STK32B: variants seen among roughly 807,000 people sequenced by gnomAD.
STK32B encodes the protein serine/threonine kinase 32B, also known as serine/threonine-protein kinase 32B.
In STK32B, 43 loss-of-function variants were observed where a neutral mutation model predicts 52.6. The ratio of observed to expected loss-of-function variants is 0.82; its 90% CI spans 0.64 to 1.05. The LOEUF (loss-of-function observed/expected upper bound fraction) is 1.05, where lower values mean the gene tolerates loss of function less well. STK32B is among the 50% of genes least tolerant of loss of function. The probability of loss-of-function intolerance (pLI) is 0.00; values close to 1 mark genes in which losing one functional copy is unlikely to be tolerated. For synonymous variants in STK32B, 238 were observed against 204.3 expected, an observed-to-expected ratio of 1.17 and a Z score of -1.41; for missense variants, 621 against 534.6, an observed-to-expected ratio of 1.16 and a Z score of -1.59.
intron 1 of STK32B, among the ~76,000 whole-genome samples, chr4:5,078,020 T>C (rs1712183674): frequency 1.3e-5 from 2 of 152,158 alleles, no homozygotes; most frequent in Admixed American, 1.3e-4. Context: ...GATTATGGGC[T>C]TTTTCACACA....
intron 1 of STK32B, among the ~76,000 whole-genome samples, chr4:5,062,472 G>A (rs568503873): frequency 6.6e-5 from 10 of 152,058 alleles, no homozygotes; most frequent in Middle Eastern, 3.2e-3. Flanking sequence ...CCATGTTTTC[G>A]AACTCCTAAA....
At chr4:5,168,583 A>G (rs557676746) in intron 3 of STK32B, 133 bp downstream of exon 3, 12 of 1,070,464 alleles carry the variant, frequency 1.1e-5, no homozygotes, top group African/African-American at 1.6e-5. Context: ...GTTATTCTTA[A>G]GTATTTTGTA....
At chr4:5,480,714 T>A (rs1440224324) in intron 11 of STK32B, among the ~76,000 whole-genome samples, 1 of 152,120 alleles carries the variant, frequency 6.6e-6, no homozygotes, top group African/African-American at 2.4e-5. Flanking sequence ...GTATATCTCC[T>A]AATGCTATCC....
intron 4 of STK32B, among the ~76,000 whole-genome samples, chr4:5,387,360 C>T (rs1285012779): frequency 2.0e-5 from 3 of 152,178 alleles, no homozygotes; most frequent in Non-Finnish European, 2.9e-5. Context: ...TCAGCACCTA[C>T]TGGGAAGGAC....
rs548172716 is a variant in STK32B at position 5,452,153 on chromosome 4, T to G, written c.667-4654T>G. Among the ~76,000 whole-genome samples, 197 of 152,272 alleles carry G rather than the reference T, an allele frequency of 1.3e-3. 1 individual carries two copies. The highest frequency in any genetic ancestry group is 6.8e-4 in the Non-Finnish European group (46 of 68,012). On this transcript the variant is annotated intron_variant, in intron 7 of 11. Transcript: ENST00000282908. ...CCCACTCCATGGGGACATGAGGACT[T>G]TACCCTCTTTGCTCACCCATCAACC...
At chr4:5,115,096 A>T (rs1266859067) in intron 1 of STK32B, among the ~76,000 whole-genome samples, 3 of 152,206 alleles carry the variant, frequency 2.0e-5, no homozygotes, top group Non-Finnish European at 4.4e-5. Context: ...TTTTGTTGGA[A>T]GCTAAAGGAT....
At chr4:5,112,673 C>T (rs1025859528) in intron 1 of STK32B, among the ~76,000 whole-genome samples, 2 of 152,118 alleles carry the variant, frequency 1.3e-5, no homozygotes, top group Admixed American at 6.5e-5. Flanking sequence ...TCTGGGCACC[C>T]CATGTCGCAG....
chr4:5,164,515 A>G (rs970913823), intron 2 of STK32B, among the ~76,000 whole-genome samples: 3 of 152,222 alleles, frequency 2.0e-5, no homozygotes, highest in African/African-American at 7.2e-5. Context: ...CTGCTATCAC[A>G]CATGCCGCAG....
intron 5 of STK32B, among the ~76,000 whole-genome samples, chr4:5,405,622 G>A (rs1275872566): frequency 2.0e-5 from 3 of 152,132 alleles, no homozygotes; most frequent in African/African-American, 7.2e-5. Flanking sequence ...CCTCAGGAAA[G>A]TTATAATCAT....
At chr4:5,108,562 A>G (rs1275617544) in intron 1 of STK32B, among the ~76,000 whole-genome samples, 2 of 152,186 alleles carry the variant, frequency 1.3e-5, no homozygotes, top group Non-Finnish European at 2.9e-5. Flanking sequence ...ATTTCAATGG[A>G]AGAGTTCTCC....
At chr4:5,102,972 C>A (rs1713909338) in intron 1 of STK32B, among the ~76,000 whole-genome samples, 1 of 138,632 alleles carries the variant, frequency 7.2e-6, no homozygotes, top group Admixed American at 7.5e-5. Context: ...CCTTTCCTTT[C>A]CTTTTCTTTC....
At chr4:5,081,637 T>C (rs929453064) in intron 1 of STK32B, among the ~76,000 whole-genome samples, 1 of 152,194 alleles carries the variant, frequency 6.6e-6, no homozygotes, top group African/African-American at 2.4e-5. Flanking sequence ...TCAAAGATTC[T>C]TTATTCTTCT....
intron 2 of STK32B, among the ~76,000 whole-genome samples, chr4:5,164,293 T>C (rs1226833901): frequency 6.6e-6 from 1 of 152,196 alleles, no homozygotes; most frequent in African/African-American, 2.4e-5. Flanking sequence ...CGGCATTCCT[T>C]GGCTTGTAGA....
chr4:5,484,504 C>A (rs1297629988), intron 11 of STK32B, among the ~76,000 whole-genome samples: 1 of 152,146 alleles, frequency 6.6e-6, no homozygotes, highest in Admixed American at 6.5e-5. Context: ...GATGGGTTTC[C>A]TGAATACAGC....
At chr4:5,353,269 CTT>C (rs1269879140) in intron 4 of STK32B, among the ~76,000 whole-genome samples, 1 of 152,072 alleles carries the variant, frequency 6.6e-6, no homozygotes, top group Non-Finnish European at 1.5e-5. Context: ...GGATTAAAGA[CTT>C]ATATGTAAGA....
chr4:5,384,757 G>A (rs1465131179), intron 4 of STK32B, among the ~76,000 whole-genome samples: 1 of 152,162 alleles, frequency 6.6e-6, no homozygotes, highest in Non-Finnish European at 1.5e-5. Context: ...GGTAAAAGGT[G>A]GGTGGATTGT....
chr4:5,252,500 G>GT (rs1483526028), intron 3 of STK32B, among the ~76,000 whole-genome samples: 2 of 152,204 alleles, frequency 1.3e-5, no homozygotes, highest in Non-Finnish European at 2.9e-5. Context: ...TTACTGGGAA[G>GT]GCAGATGATG....
chr4:5,315,914 A>G (rs1174100803), intron 3 of STK32B, among the ~76,000 whole-genome samples: 1 of 150,814 alleles, frequency 6.6e-6, no homozygotes, highest in Non-Finnish European at 1.5e-5. Flanking sequence ...TGTGTTGGCC[A>G]AGCTGATCTC....
At chr4:5,044,138 A>G in the STK32B span, among the ~76,000 whole-genome samples, 49 of 151,702 alleles carry the variant, frequency 3.2e-4, no homozygotes, top group Non-Finnish European at 5.7e-4. Flanking sequence ...CTCTCTCTCA[A>G]TCCCTGCCTC....
Sources: allele counts gnomAD v4.1 joint callset (sites outside exome capture counted in the v4.1 genomes callset), GRCh38; gene constraint gnomAD v4.1.1; transcripts MANE v1.5; gene names NCBI Gene and HGNC (gene_info 2026-07-23, HGNC 2026-07-21).